The following MIPEP variants were observed in gnomAD, a reference collection of about 807,000 sequenced individuals.
The protein encoded by MIPEP is mitochondrial intermediate peptidase.
In MIPEP, 79 loss-of-function variants were observed where a neutral mutation model predicts 90.3. The observed-to-expected ratio is 0.87, with a 90% CI of 0.73 to 1.05. The LOEUF (loss-of-function observed/expected upper bound fraction) is 1.05, where lower values mean the gene tolerates loss of function less well. MIPEP is among the 50% of genes least tolerant of loss of function. The pLI is 0.00. For missense variants in MIPEP, 940 were observed against 905.6 expected (o/e 1.04, Z -0.49); for synonymous variants, 334 against 315.8 (o/e 1.06, Z -0.61).
chr13:23,762,612 G>C (rs146740513), intron 16 of MIPEP, among the ~76,000 whole-genome samples: 1 of 152,218 alleles, frequency 6.6e-6, no homozygotes, highest in Non-Finnish European at 1.5e-5. Context: ...CGCCTTGTGA[G>C]TGGTGTCCTG....
Position 23,837,700 on chromosome 13 carries a change from G to A in MIPEP, c.1395C>T (p.Leu465=). 1 of 1,614,088 alleles carries A rather than the reference G, an allele frequency of 6.2e-7. No individual in the cohort carries two copies. The highest frequency in any genetic ancestry group is 8.5e-7 in the Non-Finnish European group (1 of 1,179,928). The change falls in exon 13 of 19, where the codon CTC becomes CTT. Residue 465 remains leucine (L), a synonymous_variant. Transcript: ENST00000382172. ...GRLKEDGDYQ[L]PVVVLMLNLP... is the part of the protein sequence containing the mutation. ...GATTCAGCATAAGAACTACAACTGG[G>A]AGTTGATAGTCTCCATCTTCCTTTA...
chr13:23,858,983 G>T, intron 9 of MIPEP, 71 bp from the exon 10 acceptor site: 3 of 1,274,140 alleles, frequency 2.4e-6, no homozygotes, highest in South Asian at 1.2e-5. Context: ...AACGTGGCCA[G>T]CCTATAGAAT....
chr13:23,806,392 G>A lies in MIPEP; in HGVS notation c.1729-323C>T, dbSNP rs375245049. Among the ~76,000 whole-genome samples the A allele has an allele frequency of 1.4e-4, 22 of 152,116 alleles. No individual in the cohort carries two copies. The South Asian group carries it at 2.1e-3, about 14-fold the overall frequency. On this transcript the variant is annotated intron_variant, in intron 15 of 18. Transcript: ENST00000382172. ...GAATTTTGCCAAAATATATGTAGAC[G>A]GAAGGCCAGGCGCGGTGGCTCACGC...
intron 15 of MIPEP, among the ~76,000 whole-genome samples, 165 bp downstream of exon 15, chr13:23,809,685 G>C (rs1953150693): frequency 6.6e-6 from 1 of 152,132 alleles, no homozygotes. Context: ...AGGGCAGTGT[G>C]AGGACTAAAT....
At chr13:23,790,680 G>A (rs1952889792) in intron 16 of MIPEP, among the ~76,000 whole-genome samples, 1 of 152,216 alleles carries the variant, frequency 6.6e-6, no homozygotes, top group Admixed American at 6.5e-5. Flanking sequence ...GGGAGAGGCA[G>A]GGACTGGATG....
chr13:23,767,610 C>T (rs555460977), intron 16 of MIPEP, among the ~76,000 whole-genome samples: 58 of 152,156 alleles, frequency 3.8e-4, no homozygotes, highest in African/African-American at 1.3e-3. Flanking sequence ...TGCCACCATG[C>T]CCAGCTAATT....
At chr13:23,743,660 T>G (rs1216914693) in intron 18 of MIPEP, among the ~76,000 whole-genome samples, 1 of 152,264 alleles carries the variant, frequency 6.6e-6, no homozygotes, top group Non-Finnish European at 1.5e-5. Flanking sequence ...ATATGTGCCC[T>G]GTTTACACAT....
chr13:23,824,849 T>A (rs1254750549), intron 14 of MIPEP, among the ~76,000 whole-genome samples: 1 of 152,222 alleles, frequency 6.6e-6, no homozygotes, highest in Admixed American at 6.5e-5. Context: ...AAAAACCCTT[T>A]AAAAATGCTT....
intron 16 of MIPEP, among the ~76,000 whole-genome samples, chr13:23,786,301 A>T (rs1464930913): frequency 6.6e-6 from 1 of 152,212 alleles, no homozygotes; most frequent in East Asian, 1.9e-4. Flanking sequence ...ATAATTAAAG[A>T]TTTAATGTGA....
chr13:23,748,488 A>AG (rs1192062397), intron 18 of MIPEP, among the ~76,000 whole-genome samples: 1 of 152,202 alleles, frequency 6.6e-6, no homozygotes, highest in East Asian at 1.9e-4. Flanking sequence ...AAGCAGAGTA[A>AG]GGGGGTAGAG....
chr13:23,779,593 C>A (rs910583983), intron 16 of MIPEP, among the ~76,000 whole-genome samples: 1 of 152,060 alleles, frequency 6.6e-6, no homozygotes, highest in Admixed American at 6.6e-5. Flanking sequence ...CTCACTGGGG[C>A]TCGTCGGACA....
At chr13:23,875,338 C>G (rs1250293769) in intron 4 of MIPEP, among the ~76,000 whole-genome samples, 1 of 151,860 alleles carries the variant, frequency 6.6e-6, no homozygotes, top group African/African-American at 2.4e-5. Flanking sequence ...AAACATAAAA[C>G]AGTTTTATAT....
intron 14 of MIPEP, among the ~76,000 whole-genome samples, chr13:23,814,776 C>T (rs745371993): frequency 3.3e-5 from 5 of 152,166 alleles, no homozygotes; most frequent in East Asian, 3.9e-4. Flanking sequence ...AAATACCATT[C>T]GTTCCATGAA....
chr13:23,867,925 T>C lies in MIPEP; in HGVS notation c.943+1367A>G, dbSNP rs556119016. 2.7e-5 allele frequency among the ~76,000 whole-genome samples: 4 copies of C among 150,760 alleles called. No homozygotes were observed. In the East Asian group the frequency reaches 7.7e-4, roughly 29 times the overall value. ...GGATAAGCACTGAATGATATTCTAA[T>C]ATTATTATTTTATATAAATATAAAA... On this transcript the variant is annotated intron_variant, in intron 7 of 18. Coordinates refer to ENST00000382172, the MANE Select transcript of MIPEP (RefSeq NM_005932.4).
At chr13:23,858,413 T>C (rs887706433) in intron 10 of MIPEP, among the ~76,000 whole-genome samples, 1 of 122,100 alleles carries the variant, frequency 8.2e-6, no homozygotes, top group Non-Finnish European at 1.6e-5. Flanking sequence ...CAAATAAAAA[T>C]GAGAAAACAT....
intron 4 of MIPEP, 26 bp from the exon 5 acceptor site, chr13:23,874,935 A>C: frequency 6.4e-7 from 1 of 1,556,752 alleles, no homozygotes; most frequent in Non-Finnish European, 8.6e-7. Flanking sequence ...GCCCCAGGTT[A>C]TAACAGGTAA....
rs574506579 is a variant in MIPEP at position 23,800,908 on chromosome 13, T to C, written c.1848+5042A>G. On this transcript the variant is annotated intron_variant, in intron 16 of 18. Transcript: ENST00000382172. Reference sequence around the variant, plus strand: ...GCCAGCTCAATGTTGTTTAAACCAGTATTGCTCAAAGATAACTAGTGCGAC... The same window carrying C: ...GCCAGCTCAATGTTGTTTAAACCAGCATTGCTCAAAGATAACTAGTGCGAC... 7.2e-5 allele frequency among the ~76,000 whole-genome samples: 11 copies of C among 152,344 alleles called. No homozygotes were observed. In the South Asian group the frequency reaches 1.9e-3, roughly 26 times the overall value.
intron 13 of MIPEP, among the ~76,000 whole-genome samples, chr13:23,836,671 T>C (rs1030166645): frequency 6.6e-6 from 1 of 152,254 alleles, no homozygotes; most frequent in African/African-American, 2.4e-5. Flanking sequence ...AAAACATTTC[T>C]AATATTAATA....
At chr13:23,818,493 G>T (rs886709819) in intron 14 of MIPEP, among the ~76,000 whole-genome samples, 3 of 151,986 alleles carry the variant, frequency 2.0e-5, no homozygotes, top group Admixed American at 6.6e-5. Context: ...ACAGAGCAAA[G>T]GACACCTTAA....
Sources: allele counts gnomAD v4.1 joint callset (sites outside exome capture counted in the v4.1 genomes callset), GRCh38; gene constraint gnomAD v4.1.1; transcripts MANE v1.5; gene names NCBI Gene and HGNC (gene_info 2026-07-23, HGNC 2026-07-21).